NMRK1: variants seen among roughly 807,000 people sequenced by gnomAD.
The protein encoded by NMRK1 is NRK 1.
In NMRK1, 28 loss-of-function variants were observed where a neutral mutation model predicts 29.9. That is an observed-to-expected ratio of 0.94 (90% CI 0.69 to 1.28). NMRK1 has a LOEUF of 1.28. NMRK1 is among the 50% of genes most tolerant of loss of function. The pLI, the probability that NMRK1 is intolerant of heterozygous loss-of-function variation, is 0.00. For missense variants in NMRK1, 218 were observed against 233.1 expected (o/e 0.94, Z 0.42); for synonymous variants, 58 against 73.0 (o/e 0.79, Z 1.05).
At chr9:75,062,865 T>G (rs1220455516) in intron 8 of NMRK1, among the ~76,000 whole-genome samples, 1 of 151,966 alleles carries the variant, frequency 6.6e-6, no homozygotes, top group Non-Finnish European at 1.5e-5. Context: ...AACCCCGTCT[T>G]AACTAAAAAT....
intron 2 of NMRK1, among the ~76,000 whole-genome samples, chr9:75,080,472 TG>T (rs1215385447): frequency 6.6e-6 from 1 of 152,124 alleles, no homozygotes; most frequent in African/African-American, 2.4e-5. Flanking sequence ...GTCAACATGG[TG>T]AAACCCCACC....
At chr9:75,080,277 CTG>C (rs1394579209) in intron 2 of NMRK1, among the ~76,000 whole-genome samples, 2 of 152,204 alleles carry the variant, frequency 1.3e-5, no homozygotes, top group African/African-American at 4.8e-5. Flanking sequence ...TTGTGGGACT[CTG>C]AGAGAATCCC....
intron 2 of NMRK1, among the ~76,000 whole-genome samples, chr9:75,079,366 G>T (rs1449937550): frequency 6.6e-6 from 1 of 152,140 alleles, no homozygotes; most frequent in Non-Finnish European, 1.5e-5. Context: ...CATAGTTTAG[G>T]TATTAAGTTT....
At chr9:75,077,676 C>A in intron 2 of NMRK1, 96 bp from the exon 3 acceptor site, 1 of 850,526 alleles carries the variant, frequency 1.2e-6, no homozygotes, top group South Asian at 1.4e-5. Flanking sequence ...CGCTGTGTCA[C>A]CAAGGCTGGA....
intron 4 of NMRK1, among the ~76,000 whole-genome samples, chr9:75,075,817 C>A (rs1175455392): frequency 6.6e-6 from 1 of 152,044 alleles, no homozygotes; most frequent in Admixed American, 6.5e-5. Context: ...ATATAGTTTG[C>A]TCCAGGCAAA....
At chr9:75,061,605 C>G (rs755076974) in intron 8 of NMRK1, 38 bp from the exon 9 acceptor site, 5 of 1,517,410 alleles carry the variant, frequency 3.3e-6, no homozygotes, top group Non-Finnish European at 4.6e-6. Context: ...ATGGAGAATT[C>G]CAATTCTCAT....
intron 7 of NMRK1, chr9:75,067,135 G>T (rs1823400355): frequency 1.1e-5 from 3 of 264,972 alleles, no homozygotes; most frequent in African/African-American, 2.3e-5. Flanking sequence ...GAAAGAAAGT[G>T]GTGTTGTGCA....
At chr9:75,063,465 A>G (rs1239109179) in intron 8 of NMRK1, among the ~76,000 whole-genome samples, 1 of 152,140 alleles carries the variant, frequency 6.6e-6, no homozygotes, top group Non-Finnish European at 1.5e-5. Flanking sequence ...TGGCTAGACT[A>G]CTTTGTTTTA....
At chr9:75,077,906 G>C (rs1824096827) in intron 2 of NMRK1, among the ~76,000 whole-genome samples, 1 of 152,136 alleles carries the variant, frequency 6.6e-6, no homozygotes, top group Non-Finnish European at 1.5e-5. Flanking sequence ...AAAGTGCTTG[G>C]ACGTGAGCCA....
At chr9:75,066,707 T>C (rs777929386) in intron 8 of NMRK1, 50 bp downstream of exon 8, 3 of 1,001,222 alleles carry the variant, frequency 3.0e-6, no homozygotes, top group South Asian at 2.5e-5. Flanking sequence ...AATGAATGAT[T>C]TTCCTGGCTG....
intron 2 of NMRK1, among the ~76,000 whole-genome samples, chr9:75,081,609 G>A (rs1478674776): frequency 6.6e-6 from 1 of 152,184 alleles, no homozygotes; most frequent in East Asian, 1.9e-4. Context: ...GATGCCAGAT[G>A]AAGGCTGGAT....
chr9:75,085,629 G>A (rs1824571957), intron 1 of NMRK1, among the ~76,000 whole-genome samples: 1 of 151,724 alleles, frequency 6.6e-6, no homozygotes, highest in Non-Finnish European at 1.5e-5. Context: ...TTGTGGCATG[G>A]GAAATAGGCT....
rs375702201 is a variant in NMRK1 at position 75,066,808 on chromosome 9, G to A, written c.529C>T (p.Leu177Phe). 7 of 1,609,298 alleles carry A rather than the reference G, an allele frequency of 4.3e-6. No homozygotes were observed. The highest frequency in any genetic ancestry group is 2.2e-5 in the East Asian group (1 of 44,804). The change falls in exon 8 of 9, where the codon CTC becomes TTC. Residue 177 changes from leucine (L) to phenylalanine (F), a missense_variant. By Grantham distance (22) the Leu-to-Phe change is conservative. Transcript: ENST00000361092. ...AGATCTTCATATACTTGCAAAAAGA[G>A]GTCCTCTTCAGATTTTGTTCCATCC... Reference protein sequence around the residue: ...YLDGTKSEEDLFLQVYEDLIQ... With the variant: ...YLDGTKSEEDFFLQVYEDLIQ...
intron 1 of NMRK1, among the ~76,000 whole-genome samples, chr9:75,085,290 C>A (rs141823097): frequency 3.9e-4 from 60 of 152,322 alleles, no homozygotes; most frequent in African/African-American, 1.4e-3. Context: ...GACAATAGAG[C>A]AATTTGCCTA....
chr9:75,080,933 T>C (rs1196482453), intron 2 of NMRK1, among the ~76,000 whole-genome samples: 1 of 152,196 alleles, frequency 6.6e-6, no homozygotes, highest in African/African-American at 2.4e-5. Flanking sequence ...ACCATGTTTC[T>C]TGTAGAGCCT....
intron 2 of NMRK1, among the ~76,000 whole-genome samples, chr9:75,080,999 C>T (rs1260361171): frequency 6.6e-6 from 1 of 152,174 alleles, no homozygotes; most frequent in Non-Finnish European, 1.5e-5. Flanking sequence ...AAGCTTCAGG[C>T]ATTCCTTTAT....
Position 75,077,593 on chromosome 9 carries a change from A to T in NMRK1, c.30-13T>A. 1 of 1,594,596 alleles carries T rather than the reference A, an allele frequency of 6.3e-7. No individual in the cohort carries two copies. The highest frequency in any genetic ancestry group is 8.6e-7 in the Non-Finnish European group (1 of 1,165,186). On this transcript the variant is annotated splice_polypyrimidine_tract_variant and intron_variant, in intron 2 of 8. Coordinates refer to ENST00000361092, the MANE Select transcript of NMRK1 (RefSeq NM_017881.3). The stretch of plus-strand genomic sequence containing the variant: ...ACTGTTTGTCACACTGAAGCAAAGA[A>T]AAAAGAAAGTACCAAGAAGGAAAAT...
chr9:75,084,996 C>G (rs547635239), intron 1 of NMRK1, among the ~76,000 whole-genome samples: 3 of 152,178 alleles, frequency 2.0e-5, no homozygotes, highest in East Asian at 3.9e-4. Context: ...TATGTCGGTT[C>G]AATGCTGCCA....
chr9:75,077,585 A>C lies in NMRK1; in HGVS notation c.30-5T>G. The C allele has an allele frequency of 1.9e-6, 3 of 1,605,196 alleles. No individual in the cohort carries two copies. The highest frequency in any genetic ancestry group is 2.6e-6 in the Non-Finnish European group (3 of 1,174,598). Reference sequence around the variant, plus strand: ...GTTTTGCCACTGTTTGTCACACTGAAGCAAAGAAAAAAGAAAGTACCAAGA... The same window carrying C: ...GTTTTGCCACTGTTTGTCACACTGACGCAAAGAAAAAAGAAAGTACCAAGA... On this transcript the variant is annotated splice_polypyrimidine_tract_variant and splice_region_variant and intron_variant, in intron 2 of 8. Transcript: ENST00000361092.
Sources: allele counts gnomAD v4.1 joint callset (sites outside exome capture counted in the v4.1 genomes callset), GRCh38; gene constraint gnomAD v4.1.1; transcripts MANE v1.5; gene names NCBI Gene and HGNC (gene_info 2026-07-23, HGNC 2026-07-21).